The following AAMDC variants were observed in gnomAD, a reference collection of about 807,000 sequenced individuals.
The protein encoded by AAMDC is adipogenesis associated Mth938 domain containing.
AAMDC carries 16 observed loss-of-function variants against 15.5 expected under a neutral mutation model. That is an observed-to-expected ratio of 1.03 (90% CI 0.70 to 1.57). The LOEUF (loss-of-function observed/expected upper bound fraction) is 1.57. Ranked by LOEUF, AAMDC falls within the 40% of genes most tolerant of loss-of-function variation. The pLI is 0.00. For missense variants in AAMDC, 141 were observed against 144.9 expected (o/e 0.97, Z 0.14); for synonymous variants, 51 against 51.6 (o/e 0.99, Z 0.05).
intron 5 of AAMDC, among the ~76,000 whole-genome samples, chr11:77,899,734 T>C (rs1410465709): frequency 6.6e-6 from 1 of 152,026 alleles, no homozygotes; most frequent in Non-Finnish European, 1.5e-5. Context: ...AACATTAGTA[T>C]CTTTATATAA....
intron 3 of AAMDC, among the ~76,000 whole-genome samples, chr11:77,871,465 G>C (rs1289825216): frequency 2.6e-5 from 4 of 152,148 alleles, no homozygotes; most frequent in Non-Finnish European, 5.9e-5. Flanking sequence ...TAAAAAACTA[G>C]ACAACTTCAG....
chr11:77,834,596 G>A (rs1949599530), intron 1 of AAMDC, among the ~76,000 whole-genome samples: 1 of 151,850 alleles, frequency 6.6e-6, no homozygotes, highest in African/African-American at 2.4e-5. Flanking sequence ...TGTATTTTTG[G>A]TACATATGGG....
At chr11:77,885,244 A>C (rs1323054356) in intron 5 of AAMDC, among the ~76,000 whole-genome samples, 1 of 151,850 alleles carries the variant, frequency 6.6e-6, no homozygotes, top group Non-Finnish European at 1.5e-5. Context: ...TGCCCGGCTA[A>C]TTTTGTATCT....
chr11:77,863,929 A>G (rs1950993947), intron 2 of AAMDC, among the ~76,000 whole-genome samples: 1 of 151,246 alleles, frequency 6.6e-6, no homozygotes, highest in Admixed American at 6.6e-5. Flanking sequence ...CTTCAAGATG[A>G]TCCCTTTTTT....
intron 5 of AAMDC, among the ~76,000 whole-genome samples, chr11:77,896,630 C>A (rs1348879512): frequency 6.1e-5 from 8 of 130,780 alleles, no homozygotes; most frequent in Admixed American, 2.5e-4. Flanking sequence ...CCAGCCTGGG[C>A]ATCAAGAGCA....
downstream of AAMDC, chr11:77,903,679 T>A: frequency 7.4e-7 from 1 of 1,344,942 alleles, no homozygotes; most frequent in East Asian, 2.3e-5. Flanking sequence ...GGCCTATCAT[T>A]TGGGATTTAC....
At chr11:77,865,908 A>G (rs981661061) in intron 2 of AAMDC, among the ~76,000 whole-genome samples, 9 of 152,306 alleles carry the variant, frequency 5.9e-5, no homozygotes, top group African/African-American at 2.2e-4. Flanking sequence ...TAGCACAAAA[A>G]CAGGCCTCTG....
At chr11:77,886,678 A>C (rs1952023834) in intron 5 of AAMDC, among the ~76,000 whole-genome samples, 1 of 152,198 alleles carries the variant, frequency 6.6e-6, no homozygotes, top group South Asian at 2.1e-4. Context: ...CAGGGAAAGA[A>C]GACCCTGTTG....
intron 1 of AAMDC, among the ~76,000 whole-genome samples, chr11:77,823,089 C>T (rs1419053436): frequency 1.3e-5 from 2 of 151,824 alleles, no homozygotes; most frequent in Admixed American, 1.3e-4. Context: ...TGGCGGCGGG[C>T]CCCTGTAGAC....
intron 2 of AAMDC, among the ~76,000 whole-genome samples, chr11:77,852,545 C>A (rs1590952494): frequency 6.6e-6 from 1 of 152,166 alleles, no homozygotes; most frequent in East Asian, 1.9e-4. Flanking sequence ...TCCTCCAACA[C>A]TGGGGATTAC....
intron 1 of AAMDC, among the ~76,000 whole-genome samples, chr11:77,821,689 C>A (rs1948911318): frequency 6.6e-6 from 1 of 151,366 alleles, no homozygotes; most frequent in African/African-American, 2.4e-5. Flanking sequence ...GGTGGAGCAG[C>A]GAAAAGTTTG....
At position 77,889,102 on chromosome 11, in the gene AAMDC, G is replaced by T. The variant is rs570577052; in HGVS notation, c.329-11469G>T. Among the ~76,000 whole-genome samples the T allele has an allele frequency of 8.3e-4, 126 of 152,220 alleles. 1 individual carries two copies. The highest frequency in any genetic ancestry group is 3.0e-3 in the African/African-American group (125 of 41,520). On this transcript the variant is annotated intron_variant, in intron 5 of 5. Transcript: ENST00000304716. ...ATATACCCAAAGGATTATAAATCAT[G>T]CTGCTATAAAGACACATGCACACAT... is the stretch of plus-strand genomic sequence containing the variant.
chr11:77,883,953 C>A, intron 5 of AAMDC: 1 of 1,612,362 alleles, frequency 6.2e-7, no homozygotes, highest in Non-Finnish European at 8.5e-7. Flanking sequence ...GATATAAGAC[C>A]TAAAGGGTGA....
intron 2 of AAMDC, among the ~76,000 whole-genome samples, chr11:77,851,948 T>C (rs1950401560): frequency 6.6e-6 from 1 of 152,096 alleles, no homozygotes; most frequent in Admixed American, 6.6e-5. Flanking sequence ...ATAAAAGAAA[T>C]AGAATAAACA....
intron 5 of AAMDC, chr11:77,878,904 C>A: frequency 6.7e-7 from 1 of 1,501,070 alleles, no homozygotes; most frequent in Non-Finnish European, 9.3e-7. Context: ...ATTCTGACAC[C>A]TAAGAAGGGC....
intron 2 of AAMDC, among the ~76,000 whole-genome samples, chr11:77,858,566 C>T (rs1467121692): frequency 6.6e-6 from 1 of 152,028 alleles, no homozygotes; most frequent in African/African-American, 2.4e-5. Context: ...GGTCACCTTC[C>T]CAGCTAGCCT....
At chr11:77,888,566 T>G (rs2136381532) in intron 5 of AAMDC, among the ~76,000 whole-genome samples, 1 of 152,170 alleles carries the variant, frequency 6.6e-6, no homozygotes, top group African/African-American at 2.4e-5. Context: ...AGGCCAAAAT[T>G]GAGAAATGGG....
chr11:77,840,644 A>G (rs1949890668), intron 1 of AAMDC, among the ~76,000 whole-genome samples: 1 of 152,234 alleles, frequency 6.6e-6, no homozygotes, highest in Non-Finnish European at 1.5e-5. Context: ...TCTGGCCTCA[A>G]GTGAAATTCC....
At chr11:77,830,329 C>CCATG (rs1949363486) in intron 1 of AAMDC, among the ~76,000 whole-genome samples, 1 of 152,172 alleles carries the variant, frequency 6.6e-6, no homozygotes, top group South Asian at 2.1e-4. Flanking sequence ...TGTGGGCAAA[C>CCATG]TGATACTGCC....
Sources: allele counts gnomAD v4.1 joint callset (sites outside exome capture counted in the v4.1 genomes callset), GRCh38; gene constraint gnomAD v4.1.1; transcripts MANE v1.5; gene names NCBI Gene and HGNC (gene_info 2026-07-23, HGNC 2026-07-21).